Variants in EPS15L1 observed in about 807,000 individuals in gnomAD.
The protein encoded by EPS15L1 is epidermal growth factor receptor substrate 15-like 1.
A neutral mutation model predicts 117.1 loss-of-function variants in EPS15L1; 43 were observed. The observed-to-expected ratio is 0.37, with a 90% CI of 0.29 to 0.47. EPS15L1 has a LOEUF of 0.47. Ranked by LOEUF, EPS15L1 falls within the 20% of genes least tolerant of loss-of-function variation. The pLI is 0.99. For missense variants in EPS15L1, 981 were observed against 1,164.0 expected (o/e 0.84, Z 2.29); for synonymous variants, 459 against 470.5 (o/e 0.98, Z 0.32).
chr19:16,422,855 G>A (rs1043222845), intron 9 of EPS15L1, among the ~76,000 whole-genome samples: 5 of 152,042 alleles, frequency 3.3e-5, no homozygotes, highest in Admixed American at 3.3e-4. Flanking sequence ...CTACTCAGGA[G>A]GCTGAGGCAG....
At position 16,368,087 on chromosome 19, in the gene EPS15L1, T is replaced by C. The variant is rs149042546; in HGVS notation, c.2381-6103A>G. On this transcript the variant is annotated intron_variant, in intron 22 of 23. Coordinates refer to ENST00000455140, the MANE Select transcript of EPS15L1 (RefSeq NM_001258374.3). ...TGCAGTTCTGCAGATGAGAGATACA[T>C]ACAAAAACAAAAAGAAAACAAAAAA... 2.8e-4 allele frequency among the ~76,000 whole-genome samples: 43 copies of C among 152,076 alleles called. No individual in the cohort carries two copies. In the East Asian group the frequency reaches 7.7e-3, roughly 27 times the overall value.
chr19:16,424,951 G>T, intron 9 of EPS15L1, 132 bp downstream of exon 9: 2 of 848,768 alleles, frequency 2.4e-6, no homozygotes, highest in Non-Finnish European at 3.9e-6. Context: ...GTGAGCCACC[G>T]CACCTGGCCA....
At chr19:16,452,943 C>T (rs777671794) in intron 1 of EPS15L1, among the ~76,000 whole-genome samples, 1 of 152,044 alleles carries the variant, frequency 6.6e-6, no homozygotes, top group Non-Finnish European at 1.5e-5. Flanking sequence ...ACTACAGGTG[C>T]CCACCACCAT....
At chr19:16,443,267 A>G (rs1045424854) in intron 1 of EPS15L1, among the ~76,000 whole-genome samples, 1 of 152,226 alleles carries the variant, frequency 6.6e-6, no homozygotes, top group African/African-American at 2.4e-5. Context: ...TGTTTATCCA[A>G]CAAATTCTGG....
At chr19:16,418,461 A>T (rs1005871660) in intron 10 of EPS15L1, among the ~76,000 whole-genome samples, 2 of 152,204 alleles carry the variant, frequency 1.3e-5, no homozygotes, top group African/African-American at 4.8e-5. Context: ...CATGGAGTAG[A>T]CCAGCCCTTC....
intron 1 of EPS15L1, among the ~76,000 whole-genome samples, chr19:16,446,882 C>G (rs2093088432): frequency 6.6e-6 from 1 of 152,222 alleles, no homozygotes; most frequent in African/African-American, 2.4e-5. Flanking sequence ...CCCAGGAAAG[C>G]TGAGACCCCA....
intron 10 of EPS15L1, among the ~76,000 whole-genome samples, chr19:16,420,038 G>GA (rs2092799299): frequency 6.6e-6 from 1 of 152,184 alleles, no homozygotes; most frequent in Non-Finnish European, 1.5e-5. Flanking sequence ...CCATCGCAGG[G>GA]AAAAAGCCTC....
chr19:16,359,208 C>T (rs2092020922), intron 23 of EPS15L1, among the ~76,000 whole-genome samples: 1 of 152,170 alleles, frequency 6.6e-6, no homozygotes, highest in African/African-American at 2.4e-5. Context: ...TGCCAATCTG[C>T]CGGGCAGTCA....
At chr19:16,436,736 T>G in intron 6 of EPS15L1, 1 of 493,988 alleles carries the variant, frequency 2.0e-6, no homozygotes, top group Non-Finnish European at 3.6e-6. Context: ...GCCACAGCCT[T>G]TGTAAAAGGT....
At chr19:16,433,302 A>G (rs2092947441) in intron 7 of EPS15L1, among the ~76,000 whole-genome samples, 1 of 147,936 alleles carries the variant, frequency 6.8e-6, no homozygotes, top group African/African-American at 2.5e-5. Flanking sequence ...TAATTTTTGT[A>G]TTTTTTTTTA....
At chr19:16,394,499 G>A (rs978609093) in intron 17 of EPS15L1, among the ~76,000 whole-genome samples, 14 of 152,142 alleles carry the variant, frequency 9.2e-5, no homozygotes, top group African/African-American at 3.4e-4. Context: ...TCAAGCTCCC[G>A]CTGCCCTCTC....
intron 1 of EPS15L1, among the ~76,000 whole-genome samples, chr19:16,459,790 G>A (rs950318720): frequency 6.6e-6 from 1 of 152,196 alleles, no homozygotes; most frequent in Admixed American, 6.5e-5. Context: ...TGGGCGGGGA[G>A]GGAGGTCAGG....
At chr19:16,462,945 G>A (rs928203291) in intron 1 of EPS15L1, among the ~76,000 whole-genome samples, 8 of 152,174 alleles carry the variant, frequency 5.3e-5, no homozygotes, top group Non-Finnish European at 1.2e-4. Context: ...TCATCCCACC[G>A]CTGTGGGTGC....
intron 21 of EPS15L1, 152 bp from the exon 22 acceptor site, chr19:16,377,406 T>C: frequency 1.2e-6 from 1 of 824,248 alleles, no homozygotes; most frequent in South Asian, 1.8e-5. Flanking sequence ...GTGGGGTCTC[T>C]TTCAAGCCCC....
At position 16,361,940 on chromosome 19, in the gene EPS15L1, C is replaced by G; in HGVS notation, c.2425G>C (p.Glu809Gln). 6.2e-7 allele frequency: 1 copy of G among 1,613,294 alleles called. No homozygotes were observed. The highest frequency in any genetic ancestry group is 8.5e-7 in the Non-Finnish European group (1 of 1,179,732). ...AGTGGCTGGAATGGATCGGGGGCCT[C>G]GGGAAAGTCTGCGGAACCAAGCTGG... Reference protein sequence around the residue: ...VSQLGSADFPEAPDPFQPLGA... With the variant: ...VSQLGSADFPQAPDPFQPLGA... The change falls in exon 23 of 24, where the codon GAG becomes CAG. Residue 809 changes from glutamate (E) to glutamine (Q), a missense_variant. Around this residue, in one of 5 missense-constraint regions of EPS15L1, gnomAD observed 819 missense variants for 949.0 expected, o/e 0.86. Coordinates refer to ENST00000455140, the MANE Select transcript of EPS15L1 (RefSeq NM_001258374.3).
intron 5 of EPS15L1, 153 bp from the exon 6 acceptor site, chr19:16,437,152 C>G (rs1298035568): frequency 1.6e-6 from 1 of 638,686 alleles, no homozygotes; most frequent in Admixed American, 2.8e-5. Context: ...CCCAGCAATT[C>G]CACTCCTACG....
intron 1 of EPS15L1, among the ~76,000 whole-genome samples, chr19:16,451,090 A>C (rs1385530260): frequency 2.0e-5 from 3 of 152,034 alleles, no homozygotes; most frequent in Non-Finnish European, 4.4e-5. Context: ...AGCTGGGATT[A>C]CAGGCACCCA....
intron 20 of EPS15L1, 130 bp from the exon 21 acceptor site, chr19:16,385,341 T>C: frequency 1.1e-5 from 8 of 738,808 alleles, no homozygotes; most frequent in African/African-American, 1.7e-5. Context: ...ATTAGACACG[T>C]GTGTCTGCAT....
rs1311426777 is a variant in EPS15L1 at position 16,417,415 on chromosome 19, G to C, written c.1193+137C>G. 2.6e-5 allele frequency: 19 copies of C among 733,076 alleles called. No homozygotes were observed. In the Admixed American group the frequency reaches 3.8e-4, roughly 15 times the overall value. The allele number at this position is 733,076 out of a possible 1,614,324, so 45.4% of individuals were successfully genotyped here. ...CCCCTTGAGCCAGTTTAGGACCTCA[G>C]AAGCTGTATCTTTTCCTTCCTTCTG... On this transcript the variant is annotated intron_variant, in intron 12 of 23. Coordinates refer to ENST00000455140, the MANE Select transcript of EPS15L1 (RefSeq NM_001258374.3).
Sources: allele counts gnomAD v4.1 joint callset (sites outside exome capture counted in the v4.1 genomes callset), GRCh38; gene constraint gnomAD v4.1.1; regional missense constraint gnomAD v4.1.1; transcripts MANE v1.5; gene names NCBI Gene and HGNC (gene_info 2026-07-23, HGNC 2026-07-21).